The following CAMK2D variants were observed in gnomAD, a reference collection of about 807,000 sequenced individuals.
CAMK2D encodes calcium/calmodulin dependent protein kinase II delta, also known as calcium/calmodulin-dependent protein kinase type II subunit delta.
In CAMK2D, 37 loss-of-function variants were observed where a neutral mutation model predicts 84.0. The observed-to-expected ratio is 0.44, with a 90% CI of 0.34 to 0.58. The LOEUF (loss-of-function observed/expected upper bound fraction) is 0.58. CAMK2D is among the 20% of genes least tolerant of loss of function. The pLI, the probability that CAMK2D is intolerant of heterozygous loss-of-function variation, is 0.02. For synonymous variants in CAMK2D, 202 were observed against 212.5 expected (o/e 0.95, Z 0.43); for missense variants, 448 against 652.5 (o/e 0.69, Z 3.41).
intron 4 of CAMK2D, among the ~76,000 whole-genome samples, chr4:113,589,943 G>A (rs2098856482): frequency 6.6e-6 from 1 of 152,106 alleles, no homozygotes; most frequent in Admixed American, 6.5e-5. Flanking sequence ...ATACAAAAGG[G>A]TGGAAGGAAA....
At chr4:113,685,151 G>A (rs1357422448) in intron 2 of CAMK2D, among the ~76,000 whole-genome samples, 1 of 151,694 alleles carries the variant, frequency 6.6e-6, no homozygotes, top group Admixed American at 6.6e-5. Context: ...TCCTCTAAAT[G>A]ATTTTCTAAG....
intron 2 of CAMK2D, chr4:113,754,635 T>C: frequency 1.0e-6 from 1 of 978,986 alleles, no homozygotes; most frequent in African/African-American, 1.7e-5. Flanking sequence ...CTTCATTTAA[T>C]GAAATACAGA....
At chr4:113,688,504 T>A (rs548810197) in intron 2 of CAMK2D, among the ~76,000 whole-genome samples, 1 of 152,292 alleles carries the variant, frequency 6.6e-6, no homozygotes, top group African/African-American at 2.4e-5. Flanking sequence ...AAAATTTGTG[T>A]CTCTAGCCTG....
intron 8 of CAMK2D, among the ~76,000 whole-genome samples, chr4:113,530,555 A>T (rs1346271465): frequency 6.6e-6 from 1 of 152,186 alleles, no homozygotes; most frequent in African/African-American, 2.4e-5. Context: ...CATGTGTTAA[A>T]ATCCTAACTC....
At chr4:113,474,737 C>T (rs2097585151) in intron 16 of CAMK2D, among the ~76,000 whole-genome samples, 1 of 151,146 alleles carries the variant, frequency 6.6e-6, no homozygotes, top group Non-Finnish European at 1.5e-5. Flanking sequence ...ACCTCCACCT[C>T]CCGGGTTCAA....
At chr4:113,546,720 T>A (rs781565988) in intron 6 of CAMK2D, among the ~76,000 whole-genome samples, 1 of 152,186 alleles carries the variant, frequency 6.6e-6, no homozygotes, top group Non-Finnish European at 1.5e-5. Context: ...TTTGAAAGAA[T>A]CAAAACTATA....
chr4:113,713,383 ATAAG>A (rs2099500238), intron 2 of CAMK2D, among the ~76,000 whole-genome samples: 1 of 148,804 alleles, frequency 6.7e-6, no homozygotes, highest in African/African-American at 2.5e-5. Flanking sequence ...TTCCCCAACA[ATAAG>A]TGTTACATGA....
intron 16 of CAMK2D, among the ~76,000 whole-genome samples, chr4:113,487,918 G>C (rs150653932): frequency 5.9e-5 from 9 of 152,024 alleles, no homozygotes; most frequent in African/African-American, 1.9e-4. Context: ...AGTAGAAAAA[G>C]AGCTTAAAAG....
chr4:113,759,991 A>G (rs1003337660), intron 1 of CAMK2D, among the ~76,000 whole-genome samples: 2 of 152,228 alleles, frequency 1.3e-5, no homozygotes, highest in Non-Finnish European at 2.9e-5. Flanking sequence ...ACACCAGACA[A>G]TATATACATA....
intron 4 of CAMK2D, among the ~76,000 whole-genome samples, chr4:113,585,131 A>T (rs1209663789): frequency 1.3e-5 from 2 of 152,136 alleles, no homozygotes; most frequent in East Asian, 3.9e-4. Context: ...AGTCTCCACA[A>T]TTTTTCCACT....
chr4:113,455,587 G>C (rs1470996815), intron 20 of CAMK2D, 139 bp downstream of exon 20: 4 of 510,872 alleles, frequency 7.8e-6, no homozygotes, highest in Non-Finnish European at 1.4e-5. Context: ...ATGCAAAATT[G>C]CTATGAATTT....
At chr4:113,628,267 T>C (rs2099075826) in intron 3 of CAMK2D, among the ~76,000 whole-genome samples, 1 of 152,214 alleles carries the variant, frequency 6.6e-6, no homozygotes, top group Non-Finnish European at 1.5e-5. Flanking sequence ...TGTTAGAGAC[T>C]ACATTAGCAA....
At chr4:113,725,085 A>G (rs2099542008) in intron 2 of CAMK2D, among the ~76,000 whole-genome samples, 2 of 152,038 alleles carry the variant, frequency 1.3e-5, no homozygotes, top group South Asian at 4.1e-4. Flanking sequence ...ATGCATTAAA[A>G]CCCATTTTAA....
At chr4:113,672,100 C>T (rs1302865446) in intron 2 of CAMK2D, among the ~76,000 whole-genome samples, 7 of 152,042 alleles carry the variant, frequency 4.6e-5, no homozygotes, top group African/African-American at 1.2e-4. Context: ...ACAAAAAAGA[C>T]TTGCATATTA....
chr4:113,744,911 C>T lies in CAMK2D; in HGVS notation c.160+14409G>A, dbSNP rs544782800. ...GAATATATTGTGTATACCTCAAATA[C>T]ATATCAATTAATCATCTTCCCTCAT... On this transcript the variant is annotated intron_variant, in intron 2 of 20. Coordinates refer to ENST00000511664, the MANE Select transcript of CAMK2D (RefSeq NM_001321571.2). 1.2e-3 allele frequency among the ~76,000 whole-genome samples: 180 copies of T among 152,304 alleles called. 2 individuals carry two copies. The South Asian group carries it at 0.013, about 11-fold the overall frequency.
chr4:113,577,757 T>A (rs78287750), intron 4 of CAMK2D, among the ~76,000 whole-genome samples: 1 of 11,874 alleles, frequency 8.4e-5, no homozygotes, highest in African/African-American at 2.6e-4. Context: ...TCGTATACTA[T>A]TTTTTTTTTT....
intron 13 of CAMK2D, among the ~76,000 whole-genome samples, chr4:113,507,602 C>A (rs1365029159): frequency 6.7e-6 from 1 of 149,566 alleles, no homozygotes; most frequent in African/African-American, 2.6e-5. Context: ...AAAACTCTGG[C>A]ACTTTTGTGT....
At chr4:113,456,894 T>C in intron 19 of CAMK2D, 1 of 161,208 alleles carries the variant, frequency 6.2e-6, no homozygotes, top group Non-Finnish European at 1.4e-5. Context: ...AATGGCCTTT[T>C]AAATGCTGTC....
chr4:113,513,122 A>G (rs975397001), intron 12 of CAMK2D: 31 of 972,840 alleles, frequency 3.2e-5, no homozygotes, highest in Non-Finnish European at 3.7e-5. Context: ...TGAGGGGTTC[A>G]GTCACGGAGG....
Sources: gnomAD v4.1 joint callset for allele counts (sites outside exome capture counted in the v4.1 genomes callset) on GRCh38, gnomAD v4.1.1 for gene constraint, MANE v1.5 for transcripts, NCBI Gene and HGNC (gene_info 2026-07-23, HGNC 2026-07-21) for gene names.